TXLNB: variants seen among roughly 807,000 people sequenced by gnomAD.
TXLNB encodes the protein taxilin beta.
Under a neutral mutation model 57.4 loss-of-function variants are expected in TXLNB, and 37 were observed. That is an observed-to-expected ratio of 0.64 (90% confidence interval 0.50 to 0.85). TXLNB has a LOEUF of 0.85. Ranked by LOEUF, TXLNB falls within the 40% of genes least tolerant of loss-of-function variation. TXLNB has a pLI of 0.00. For missense variants in TXLNB, 848 were observed against 825.6 expected (o/e 1.03, Z -0.33); for synonymous variants, 302 against 309.6 (o/e 0.98, Z 0.26).
chr6:139,264,504 A>T (rs575323863), intron 4 of TXLNB, among the ~76,000 whole-genome samples: 1 of 152,128 alleles, frequency 6.6e-6, no homozygotes, highest in Non-Finnish European at 1.5e-5. Context: ...ATAACCGCCA[A>T]TCCTGGCCCA....
the TXLNB span, among the ~76,000 whole-genome samples, chr6:139,302,435 T>C: frequency 2.6e-5 from 4 of 151,890 alleles, no homozygotes; most frequent in East Asian, 5.8e-4. Flanking sequence ...TTTTCTATAA[T>C]ATTTCTTCCA....
chr6:139,296,005 C>T (rs185938419), upstream of TXLNB, among the ~76,000 whole-genome samples: 12 of 152,116 alleles, frequency 7.9e-5, no homozygotes, highest in East Asian at 2.3e-3. Flanking sequence ...GAGATATGAT[C>T]CCCACATACA....
At chr6:139,191,735 C>G in the TXLNB span, among the ~76,000 whole-genome samples, 1 of 151,978 alleles carries the variant, frequency 6.6e-6, no homozygotes, top group Non-Finnish European at 1.5e-5. Context: ...TTTGGTTATC[C>G]TGGGTGTGGG....
At chr6:139,218,266 G>A in the TXLNB span, among the ~76,000 whole-genome samples, 1 of 152,196 alleles carries the variant, frequency 6.6e-6, no homozygotes, top group Non-Finnish European at 1.5e-5. Flanking sequence ...GTTTTCTGAT[G>A]TTATTAGACA....
chr6:139,205,982 C>G, the TXLNB span, among the ~76,000 whole-genome samples: 2 of 152,202 alleles, frequency 1.3e-5, no homozygotes. Flanking sequence ...GATTCCTCAG[C>G]AGAAACCTTA....
At chr6:139,227,851 G>A in the TXLNB span, among the ~76,000 whole-genome samples, 4 of 151,976 alleles carry the variant, frequency 2.6e-5, no homozygotes, top group East Asian at 3.9e-4. Flanking sequence ...ATGCACACAC[G>A]CACAGGCACT....
intron 6 of TXLNB, among the ~76,000 whole-genome samples, chr6:139,256,519 G>A (rs1403298583): frequency 3.9e-5 from 6 of 152,174 alleles, no homozygotes; most frequent in South Asian, 2.1e-4. Context: ...TACTAGAGAC[G>A]GGGTTTTGCC....
chr6:139,192,907 G>T, the TXLNB span, among the ~76,000 whole-genome samples: 1 of 151,660 alleles, frequency 6.6e-6, no homozygotes, highest in Non-Finnish European at 1.5e-5. Context: ...AGGTTGCAGT[G>T]AGCCGAGATT....
chr6:139,290,738 A>G (rs1777284033), intron 1 of TXLNB, among the ~76,000 whole-genome samples: 1 of 152,238 alleles, frequency 6.6e-6, no homozygotes, highest in Non-Finnish European at 1.5e-5. Context: ...TGTAAATAAT[A>G]TTTAACAGTG....
intron 3 of TXLNB, among the ~76,000 whole-genome samples, chr6:139,275,187 C>G (rs761012151): frequency 6.6e-6 from 1 of 152,026 alleles, no homozygotes; most frequent in African/African-American, 2.4e-5. Context: ...AAAGCTAATA[C>G]GTGATGATGT....
chr6:139,182,230 G>C, the TXLNB span, among the ~76,000 whole-genome samples: 1 of 152,184 alleles, frequency 6.6e-6, no homozygotes, highest in African/African-American at 2.4e-5. Flanking sequence ...TGGATTCAAA[G>C]CCTGTGTTGC....
the TXLNB span, among the ~76,000 whole-genome samples, chr6:139,319,092 A>G: frequency 6.6e-6 from 1 of 151,528 alleles, no homozygotes. Flanking sequence ...ACAGGCACGC[A>G]CCATCATGCC....
chr6:139,262,896 G>T, intron 4 of TXLNB, 123 bp from the exon 5 acceptor site: 1 of 902,480 alleles, frequency 1.1e-6, no homozygotes, highest in Non-Finnish European at 1.6e-6. Context: ...GTTCTCTAGA[G>T]CTAAAGCTGC....
At chr6:139,274,856 A>G (rs1248219126) in intron 3 of TXLNB, among the ~76,000 whole-genome samples, 1 of 152,152 alleles carries the variant, frequency 6.6e-6, no homozygotes, top group Non-Finnish European at 1.5e-5. Context: ...GTAAAGGAAA[A>G]ATGACTCAGA....
chr6:139,244,153 A>G (rs1370186956), intron 9 of TXLNB, among the ~76,000 whole-genome samples: 1 of 152,202 alleles, frequency 6.6e-6, no homozygotes, highest in East Asian at 1.9e-4. Context: ...ATATCTCCAT[A>G]TCTGTTTATA....
the TXLNB span, among the ~76,000 whole-genome samples, chr6:139,162,105 G>A: frequency 6.6e-5 from 10 of 152,178 alleles, no homozygotes; most frequent in East Asian, 5.8e-4. Flanking sequence ...CAGTGGTGCC[G>A]GAAACACTAA....
intron 2 of TXLNB, among the ~76,000 whole-genome samples, chr6:139,281,750 G>A (rs2114615721): frequency 9.0e-6 from 1 of 111,328 alleles, no homozygotes; most frequent in Admixed American, 8.0e-5. Flanking sequence ...GGTTTTCACC[G>A]TGTTAGCCAG....
chr6:139,316,489 C>T, the TXLNB span, among the ~76,000 whole-genome samples: 1 of 152,076 alleles, frequency 6.6e-6, no homozygotes, highest in Admixed American at 6.5e-5. Context: ...ACCCTCTACC[C>T]TATTTCTTAG....
the TXLNB span, among the ~76,000 whole-genome samples, chr6:139,229,767 C>A: frequency 6.6e-6 from 1 of 152,282 alleles, no homozygotes; most frequent in African/African-American, 2.4e-5. Context: ...GGAAAACTAC[C>A]ACTCACATTA....
Sources: allele counts gnomAD v4.1 joint callset (sites outside exome capture counted in the v4.1 genomes callset), GRCh38; gene constraint gnomAD v4.1.1; transcripts MANE v1.5; gene names NCBI Gene and HGNC (gene_info 2026-07-23, HGNC 2026-07-21).